The following LATS2 variants were observed in gnomAD, a reference collection of about 807,000 sequenced individuals.
LATS2 encodes large tumor suppressor kinase 2.
Under a neutral mutation model 76.0 loss-of-function variants are expected in LATS2, and 24 were observed. The ratio of observed to expected loss-of-function variants is 0.32; its 90% CI spans 0.23 to 0.44. LATS2 has a LOEUF of 0.44. Ranked by LOEUF, LATS2 falls within the 20% of genes least tolerant of loss-of-function variation. LATS2 has a pLI of 1.00. For missense variants in LATS2, 1,286 were observed against 1,481.2 expected (o/e 0.87, Z 2.16); for synonymous variants, 692 against 635.4 (o/e 1.09, Z -1.34).
intron 1 of LATS2, among the ~76,000 whole-genome samples, chr13:21,047,248 C>T (rs1873106322): frequency 6.6e-6 from 1 of 152,184 alleles, no homozygotes; most frequent in African/African-American, 2.4e-5. Context: ...TGGACCAGTC[C>T]CTTCGCCTCC....
chr13:20,987,139 G>C lies in LATS2; in HGVS notation c.1899+742C>G, dbSNP rs527843182. ...GAACCCAGGAGGCAGAGGTTGCAGC[G>C]AGCCAAGATCGCGCCATTGCGCTCC... On this transcript the variant is annotated intron_variant, in intron 4 of 7. Coordinates refer to ENST00000382592, the MANE Select transcript of LATS2 (RefSeq NM_014572.3). Among the ~76,000 whole-genome samples, 9 of 152,298 alleles carry C rather than the reference G, an allele frequency of 5.9e-5. No individual in the cohort carries two copies. The South Asian group carries it at 1.9e-3, about 32-fold the overall frequency.
At chr13:20,995,333 C>G (rs543553530) in intron 2 of LATS2, among the ~76,000 whole-genome samples, 17 of 152,298 alleles carry the variant, frequency 1.1e-4, no homozygotes, top group African/African-American at 3.9e-4. Context: ...TTTCCCCAAG[C>G]CTCAATAGAC....
chr13:20,992,538 T>C (rs1345276906), intron 2 of LATS2, among the ~76,000 whole-genome samples: 1 of 151,172 alleles, frequency 6.6e-6, no homozygotes, highest in Non-Finnish European at 1.5e-5. Context: ...ACAGGGAGGG[T>C]GAGCAGAGAG....
intron 2 of LATS2, among the ~76,000 whole-genome samples, chr13:21,034,169 C>T (rs1486391695): frequency 1.3e-5 from 2 of 152,186 alleles, no homozygotes; most frequent in Admixed American, 6.5e-5. Context: ...CGGGAAAACT[C>T]ATAACATAGG....
chr13:21,047,177 T>C (rs1873103747), intron 1 of LATS2, among the ~76,000 whole-genome samples: 1 of 152,164 alleles, frequency 6.6e-6, no homozygotes, highest in Non-Finnish European at 1.5e-5. Context: ...GAAAATCCAG[T>C]CCAAGTCAAC....
chr13:21,027,578 T>C (rs1261084118), intron 2 of LATS2, among the ~76,000 whole-genome samples: 2 of 152,232 alleles, frequency 1.3e-5, no homozygotes, highest in African/African-American at 4.8e-5. Context: ...TCTGTTCCAC[T>C]ACCTGTCTAT....
intron 4 of LATS2, among the ~76,000 whole-genome samples, chr13:20,984,478 G>A (rs999188737): frequency 2.0e-5 from 3 of 152,066 alleles, no homozygotes; most frequent in African/African-American, 7.2e-5. Context: ...AAAATCAGTA[G>A]CATACATTAG....
chr13:21,027,133 TATCA>T (rs1872339302), intron 2 of LATS2, among the ~76,000 whole-genome samples: 1 of 152,226 alleles, frequency 6.6e-6, no homozygotes. Flanking sequence ...CAGATATATG[TATCA>T]GTAATATTTT....
At chr13:21,021,273 G>A (rs954715703) in intron 2 of LATS2, among the ~76,000 whole-genome samples, 1 of 152,014 alleles carries the variant, frequency 6.6e-6, no homozygotes. Flanking sequence ...AGGAGTTCAA[G>A]ACCAGCCTGG....
chr13:21,007,531 GAT>G (rs142095268), intron 2 of LATS2, among the ~76,000 whole-genome samples: 174 of 15,486 alleles, frequency 0.011, 41 homozygotes, highest in African/African-American at 0.071. Context: ...GTAGGGGATG[GAT>G]ATATATATAT....
intron 1 of LATS2, among the ~76,000 whole-genome samples, chr13:21,048,629 C>A (rs1293800348): frequency 6.6e-6 from 1 of 151,972 alleles, no homozygotes; most frequent in Non-Finnish European, 1.5e-5. Context: ...GTCAGGAGTT[C>A]GAGACCAGCC....
At chr13:20,999,348 T>C (rs1030298620) in intron 2 of LATS2, among the ~76,000 whole-genome samples, 1 of 152,248 alleles carries the variant, frequency 6.6e-6, no homozygotes, top group East Asian at 1.9e-4. Context: ...ACCATACGTC[T>C]TTTTGAAACG....
intron 2 of LATS2, among the ~76,000 whole-genome samples, chr13:21,042,970 C>G (rs1308997951): frequency 1.4e-5 from 2 of 146,972 alleles, no homozygotes; most frequent in African/African-American, 2.5e-5. Context: ...GGCCACAGAG[C>G]GAGACTCCGT....
chr13:21,018,488 C>A (rs1871902135), intron 2 of LATS2, among the ~76,000 whole-genome samples: 2 of 152,228 alleles, frequency 1.3e-5, no homozygotes, highest in Admixed American at 1.3e-4. Flanking sequence ...CAGCTGGGTC[C>A]ACCTGGCCTT....
At chr13:21,011,481 T>C (rs957543333) in intron 2 of LATS2, among the ~76,000 whole-genome samples, 3 of 152,232 alleles carry the variant, frequency 2.0e-5, no homozygotes, top group African/African-American at 4.8e-5. Flanking sequence ...GCAGAAAATA[T>C]ACTTTACAGT....
At chr13:20,980,820 AG>A (rs1394568792) in intron 6 of LATS2, among the ~76,000 whole-genome samples, 1 of 152,178 alleles carries the variant, frequency 6.6e-6, no homozygotes, top group Non-Finnish European at 1.5e-5. Flanking sequence ...ATGTGATGGC[AG>A]GGGCTGCCTG....
intron 2 of LATS2, among the ~76,000 whole-genome samples, chr13:21,028,823 C>T (rs750368852): frequency 6.6e-6 from 1 of 152,152 alleles, no homozygotes; most frequent in Non-Finnish European, 1.5e-5. Context: ...CCGCCTTGGC[C>T]TCCCAGAGTA....
intron 7 of LATS2, among the ~76,000 whole-genome samples, chr13:20,975,758 A>C (rs1869590866): frequency 1.3e-5 from 2 of 152,112 alleles, no homozygotes; most frequent in South Asian, 4.2e-4. Context: ...ATCTTGGCTC[A>C]CTGCAACCTC....
At position 20,983,813 on chromosome 13, in the gene LATS2, A is replaced by C. The variant is rs760309651; in HGVS notation, c.1900-7T>G. ...CAGCTTCACAGAGTCCAGCCTGTGT[A>C]GAAGGAAAAGGAAGGAGGAAGAATC... On this transcript the variant is annotated splice_polypyrimidine_tract_variant and splice_region_variant and intron_variant, in intron 4 of 7. Transcript: ENST00000382592. The C allele has an allele frequency of 2.5e-6, 4 of 1,599,794 alleles. No individual in the cohort carries two copies. The highest frequency in any genetic ancestry group is 3.4e-6 in the Non-Finnish European group (4 of 1,173,210).
Sources: gnomAD v4.1 joint callset for allele counts (sites outside exome capture counted in the v4.1 genomes callset) on GRCh38, gnomAD v4.1.1 for gene constraint, MANE v1.5 for transcripts, NCBI Gene and HGNC (gene_info 2026-07-23, HGNC 2026-07-21) for gene names.